ARFGAP1: variants seen among roughly 807,000 people sequenced by gnomAD.
The protein encoded by ARFGAP1 is ARF GTPase activating protein 1.
A neutral mutation model predicts 54.0 loss-of-function variants in ARFGAP1; 26 were observed. The observed-to-expected ratio is 0.48, with a 90% CI of 0.35 to 0.67. The LOEUF is 0.67. ARFGAP1 is among the 30% of genes least tolerant of loss of function. The probability of loss-of-function intolerance (pLI) is 0.00; values close to 1 mark genes in which losing one functional copy is unlikely to be tolerated. For missense variants in ARFGAP1, 525 were observed against 535.8 expected (o/e 0.98, Z 0.20); for synonymous variants, 248 against 211.9 (o/e 1.17, Z -1.48).
In ARFGAP1 at chr20:63,276,053, C is replaced by T. The variant is rs1864565572; in HGVS notation, c.61-38C>T. ...GTCTTTGGGGTCCCTGGGCTCTGCCCTGAGCCACCTGGTGAGTCACTTGTG... is the reference window on the plus strand; with the variant it reads ...GTCTTTGGGGTCCCTGGGCTCTGCCTTGAGCCACCTGGTGAGTCACTTGTG... On this transcript the variant is annotated intron_variant, in intron 2 of 12. Coordinates refer to ENST00000370283, the MANE Select transcript of ARFGAP1 (RefSeq NM_018209.4). This position sits in a 1 kb window ranked among gnomAD's most constrained non-coding sequence, Gnocchi z 5.2. 6.3e-7 allele frequency: 1 copy of T among 1,596,346 alleles called. No homozygotes were observed. Among genetic ancestry groups the T allele is most frequent in the African/African-American group, 1.3e-5 (1 of 74,700 alleles).
chr20:63,288,355 G>A lies in ARFGAP1; in HGVS notation c.*482G>A. On this transcript the variant is annotated 3_prime_UTR_variant, in exon 13 of 13. Transcript: ENST00000370283. ...TGACTGGAGTGGTAAAGATGGAAAT[G>A]CTGGAAATGATACTGGCGCTCACGC... The A allele has an allele frequency of 2.2e-6, 1 of 457,126 alleles. No homozygotes were observed. The highest frequency in any genetic ancestry group is 4.4e-6 in the Non-Finnish European group (1 of 227,670). 28.3% of individuals were successfully genotyped at this position (457,126 alleles called of 1,614,324 possible). A position where few individuals can be genotyped will look rare whatever the true frequency, so the allele number is the denominator to read the frequency against.
In ARFGAP1 at chr20:63,276,665, C is replaced by T. The variant is rs753951040; in HGVS notation, c.342+14C>T. ...TTTAGGGATAAGGTAGAGATGGGCC[C>T]GATTCACTCTTGCCCATGGTGTGGG... On this transcript the variant is annotated intron_variant, in intron 4 of 12. Coordinates refer to ENST00000370283, the MANE Select transcript of ARFGAP1 (RefSeq NM_018209.4). This position sits in a 1 kb window ranked among gnomAD's most constrained non-coding sequence, Gnocchi z 5.2. The T allele has an allele frequency of 4.0e-5, 64 of 1,588,692 alleles. No individual in the cohort carries two copies. The highest frequency in any genetic ancestry group is 5.1e-5 in the Non-Finnish European group (59 of 1,166,108).
At chr20:63,278,286 G>C in intron 6 of ARFGAP1, 83 bp downstream of exon 6, 1 of 1,437,228 alleles carries the variant, frequency 7.0e-7, no homozygotes. Flanking sequence ...TTCCCTTGGG[G>C]CCTCCCATGT....
chr20:63,286,777 A>T (rs572578109), intron 12 of ARFGAP1: 18 of 273,850 alleles, frequency 6.6e-5, no homozygotes, highest in Admixed American at 2.4e-4. Flanking sequence ...GGAGGGTCTC[A>T]CCCATATGCC....
intron 8 of ARFGAP1, 107 bp from the exon 9 acceptor site, chr20:63,282,712 G>C (rs968967065): frequency 5.2e-6 from 6 of 1,161,116 alleles, no homozygotes; most frequent in Non-Finnish European, 7.8e-6. Flanking sequence ...CTGGCAGCCC[G>C]GGGGCCATTG....
At chr20:63,274,509 C>T (rs146158628) in intron 1 of ARFGAP1, among the ~76,000 whole-genome samples, 7 of 152,170 alleles carry the variant, frequency 4.6e-5, no homozygotes, top group Admixed American at 6.5e-5. Context: ...GCAGTACACA[C>T]GTGTGTAGCT....
intron 6 of ARFGAP1, chr20:63,278,520 T>C (rs2123237531): frequency 4.4e-6 from 2 of 459,060 alleles, no homozygotes; most frequent in South Asian, 4.7e-5. Flanking sequence ...AGGTGTGAAT[T>C]GGGGGTCTTG....
Position 63,276,505 on chromosome 20 carries a change from A to G in ARFGAP1, c.196A>G (p.Lys66Glu), listed in dbSNP as rs2067240968. 1 of 1,613,500 alleles carries G rather than the reference A, an allele frequency of 6.2e-7. No homozygotes were observed. Among genetic ancestry groups the G allele is most frequent in the Non-Finnish European group, 8.5e-7 (1 of 1,179,730 alleles). ...CTTTGTGCGCTCTGTTACTATGGAC[A>G]AGTGGAAGGACATTGAGCTTGAGAA... is the stretch of plus-strand genomic sequence containing the variant. ...LSFVRSVTMD[K>E]WKDIELEKMK... Residue 66 changes from lysine to glutamate, a missense_variant, in exon 4 of 13, where the codon AAG (lysine) becomes GAG (glutamate). Lys to Glu is a moderately conservative substitution (Grantham distance 56). Around this residue, in one of 3 missense-constraint regions of ARFGAP1, gnomAD observed 466 missense variants for 453.6 expected, o/e 1.03. Coordinates refer to ENST00000370283, the MANE Select transcript of ARFGAP1 (RefSeq NM_018209.4). This position sits in a 1 kb window ranked among gnomAD's most constrained non-coding sequence, Gnocchi z 5.2.
At chr20:63,285,972 TA>T (rs2067525248) in intron 11 of ARFGAP1, 1 of 1,513,076 alleles carries the variant, frequency 6.6e-7, no homozygotes, top group African/African-American at 1.4e-5. Flanking sequence ...TTTTCCTCGG[TA>T]AGTAAGTGCC....
intron 10 of ARFGAP1, 195 bp from the exon 11 acceptor site, chr20:63,285,459 G>A (rs528724237): frequency 1.6e-6 from 1 of 631,390 alleles, no homozygotes; most frequent in African/African-American, 1.8e-5. Context: ...GCAGACACCA[G>A]GCCTCACAGT....
chr20:63,287,717 C>G lies in ARFGAP1; in HGVS notation c.1065C>G (p.Ser355=). The change falls in exon 13 of 13, where the codon TCC becomes TCG. Residue 355 remains serine (S), a synonymous_variant. Coordinates refer to ENST00000370283, the MANE Select transcript of ARFGAP1 (RefSeq NM_018209.4). The part of the protein sequence containing the change: ...SSDSWTCADT[S]TERRSSDSWE... ...ACAGCTGGACGTGCGCGGACACCTC[C>G]ACCGAGAGGAGGAGCTCGGACAGCT... 6.2e-7 allele frequency: 1 copy of G among 1,611,932 alleles called. No homozygotes were observed. Among genetic ancestry groups the G allele is most frequent in the East Asian group, 2.2e-5 (1 of 44,838 alleles).
intron 9 of ARFGAP1, 175 bp downstream of exon 9, chr20:63,283,026 G>C (rs1203422299): frequency 1.4e-6 from 1 of 698,580 alleles, no homozygotes; most frequent in Non-Finnish European, 2.4e-6. Flanking sequence ...TCATGCCCGG[G>C]TGGCTGCCTC....
Position 63,278,908 on chromosome 20 carries a change from G to T in ARFGAP1, c.540G>T (p.Gly180=), listed in dbSNP as rs758164510. ...DDLGSYQGAQ[G]NRYVGFGNTP... ...TCCGCTTTGTTTTCAGGGCCCAGGG[G>T]AATCGCTACGTGGGGTTTGGGAACA... Residue 180 remains glycine (G), a synonymous_variant, in exon 7 of 13, where the codon GGG becomes GGT. Transcript: ENST00000370283. 6.2e-7 allele frequency: 1 copy of T among 1,614,146 alleles called. No individual in the cohort carries two copies. Among genetic ancestry groups the T allele is most frequent in the Non-Finnish European group, 8.5e-7 (1 of 1,180,008 alleles).
At chr20:63,281,163 G>A (rs2067370589) in intron 7 of ARFGAP1, 128 bp from the exon 8 acceptor site, 4 of 940,086 alleles carry the variant, frequency 4.3e-6, no homozygotes, top group African/African-American at 3.3e-5. Flanking sequence ...CAGGCGCGGT[G>A]GGGTCAGGAT....
At chr20:63,277,860 G>A (rs953464115) in intron 5 of ARFGAP1, among the ~76,000 whole-genome samples, 9 of 152,160 alleles carry the variant, frequency 5.9e-5, no homozygotes, top group Non-Finnish European at 1.0e-4. Context: ...ACCTCTCCCC[G>A]CTGCCTCCTG....
At chr20:63,286,149 G>A (rs773421103) in intron 11 of ARFGAP1, 16 of 1,550,242 alleles carry the variant, frequency 1.0e-5, no homozygotes, top group Middle Eastern at 1.7e-4. Context: ...GTCTGTGCAC[G>A]AGGCTGTCCT....
chr20:63,285,614 T>C, intron 10 of ARFGAP1, 40 bp from the exon 11 acceptor site: 1 of 1,602,906 alleles, frequency 6.2e-7, no homozygotes, highest in Non-Finnish European at 8.5e-7. Context: ...AGCTTTCATC[T>C]CTCCCGCCCC....
At chr20:63,281,699 C>T (rs1031662733) in intron 8 of ARFGAP1, among the ~76,000 whole-genome samples, 4 of 152,230 alleles carry the variant, frequency 2.6e-5, no homozygotes, top group African/African-American at 4.8e-5. Context: ...GGAGCTTCTT[C>T]TGGGGCTCAA....
intron 11 of ARFGAP1, 92 bp from the exon 12 acceptor site, chr20:63,286,274 G>A: frequency 6.3e-7 from 1 of 1,585,952 alleles, no homozygotes. Flanking sequence ...CTTCTCAGCG[G>A]GACGGCGCGT....
Sources: allele counts gnomAD v4.1 joint callset (sites outside exome capture counted in the v4.1 genomes callset), GRCh38; gene constraint gnomAD v4.1.1; regional missense constraint gnomAD v4.1.1; non-coding constraint Gnocchi (gnomAD v3.1); transcripts MANE v1.5; gene names NCBI Gene and HGNC (gene_info 2026-07-23, HGNC 2026-07-21).